Variants in NIN observed in about 807,000 individuals in gnomAD.
NIN encodes the protein glycogen synthase kinase 3 beta-interacting protein.
In NIN, 137 loss-of-function variants were observed where a neutral mutation model predicts 257.6. The observed-to-expected ratio is 0.53, with a 90% CI of 0.46 to 0.61. The LOEUF (loss-of-function observed/expected upper bound fraction) is 0.61. Among genes scored for constraint, NIN ranks in the 20% least tolerant of loss-of-function variants. The pLI, the probability that NIN is intolerant of heterozygous loss-of-function variation, is 0.00. For synonymous variants in NIN, 918 were observed against 919.8 expected (o/e 1.00, Z 0.04); for missense variants, 2,439 against 2,501.2 (o/e 0.98, Z 0.53).
chr14:50,785,723 A>C (rs1165557746), intron 5 of NIN, among the ~76,000 whole-genome samples: 1 of 152,228 alleles, frequency 6.6e-6, no homozygotes, highest in African/African-American at 2.4e-5. Context: ...TTTCACTAAC[A>C]GTCCTAAGTA....
At chr14:50,810,649 C>T (rs1404461074) in intron 3 of NIN, among the ~76,000 whole-genome samples, 1 of 152,086 alleles carries the variant, frequency 6.6e-6, no homozygotes, top group Non-Finnish European at 1.5e-5. Flanking sequence ...GTTTTTAAAA[C>T]TCTATTTTTT....
chr14:50,829,699 T>C (rs956998626), intron 2 of NIN, among the ~76,000 whole-genome samples: 1 of 152,200 alleles, frequency 6.6e-6, no homozygotes, highest in South Asian at 2.1e-4. Flanking sequence ...GGAAACATGA[T>C]ATATGGTAGG....
chr14:50,765,076 A>T (rs1275854706), intron 14 of NIN, among the ~76,000 whole-genome samples: 1 of 147,718 alleles, frequency 6.8e-6, no homozygotes, highest in African/African-American at 2.5e-5. Context: ...AAAAAAAAAA[A>T]AAAAAAAAAA....
At chr14:50,729,455 CT>C (rs2140346627) in intron 29 of NIN, 67 bp downstream of exon 29, 1 of 1,437,196 alleles carries the variant, frequency 7.0e-7, no homozygotes, top group East Asian at 2.3e-5. Context: ...CACCTTTGAA[CT>C]GGTATAACTT....
Position 50,731,823 on chromosome 14 carries a change from T to G in NIN, c.5878-2100A>C, listed in dbSNP as rs147638318. ...CTTGGTGACAGAGCGAGACTCCGTT[T>G]AAAAATAAATAAATAAAAAAGATTA... On this transcript the variant is annotated intron_variant, in intron 28 of 30. Coordinates refer to ENST00000530997, the MANE Select transcript of NIN (RefSeq NM_020921.4). Among the ~76,000 whole-genome samples, 197 of 152,236 alleles carry G rather than the reference T, an allele frequency of 1.3e-3. 3 individuals are homozygous for G. The East Asian group carries it at 0.03, about 23-fold the overall frequency.
intron 7 of NIN, among the ~76,000 whole-genome samples, chr14:50,775,788 C>T (rs1160393443): frequency 1.3e-5 from 2 of 151,948 alleles, no homozygotes; most frequent in African/African-American, 4.8e-5. Context: ...AAAAACAACC[C>T]AAGGTTCTAC....
chr14:50,795,954 G>A (rs892802232), intron 4 of NIN, among the ~76,000 whole-genome samples: 1 of 152,138 alleles, frequency 6.6e-6, no homozygotes, highest in African/African-American at 2.4e-5. Context: ...ACTCCAGCCT[G>A]GGCAACAGGG....
rs1395716596 is a variant in NIN, at chr14:50,806,783, G to A, written c.219C>T (p.Leu73=). The change falls in exon 4 of 31, where the codon CTC becomes CTT. Residue 73 remains leucine, a synonymous_variant. Coordinates refer to ENST00000530997, the MANE Select transcript of NIN (RefSeq NM_020921.4). ...HFDQFKEALI[L]ILSRTLSNEE... ...CATTTGACAGAGTTCTGGACAAGAT[G>A]AGTATTAATGCTTCTTTAAATTGGT... 10 of 1,580,926 alleles carry A rather than the reference G, an allele frequency of 6.3e-6. No individual in the cohort carries two copies. Among genetic ancestry groups the A allele is most frequent in the East Asian group, 2.2e-5 (1 of 44,534 alleles).
chr14:50,819,509 G>A (rs897263562), intron 3 of NIN, among the ~76,000 whole-genome samples: 2 of 152,198 alleles, frequency 1.3e-5, no homozygotes, highest in South Asian at 4.1e-4. Context: ...CGTAAGGTGT[G>A]TCTCTCATCT....
chr14:50,760,333 G>T lies in NIN; in HGVS notation c.1923C>A (p.Asp641Glu). Residue 641 changes from aspartate (D) to glutamate (E), a missense_variant, in exon 17 of 31, where the codon GAC (aspartate) becomes GAA (glutamate). Physicochemically the swap from Asp to Glu is conservative, Grantham distance 45. Coordinates refer to ENST00000530997, the MANE Select transcript of NIN (RefSeq NM_020921.4). The part of the protein sequence containing the change: ...DKVRHYEKQL[D>E]ETVVSCKKAQ... ...CCTTCTTGCAGCTGACCACGGTTTC[G>T]TCCAGCTGCTTTTCATAATGGCGCA... is the stretch of plus-strand genomic sequence containing the variant. 1 of 1,605,432 alleles carries T rather than the reference G, an allele frequency of 6.2e-7. No homozygotes were observed.
At chr14:50,792,578 G>T in intron 5 of NIN, 134 bp downstream of exon 5, 2 of 863,066 alleles carry the variant, frequency 2.3e-6, no homozygotes, top group African/African-American at 1.7e-5. Flanking sequence ...CAAGTAATAA[G>T]ATTAGCAAGG....
Position 50,735,507 on chromosome 14 carries a change from G to T in NIN, c.5877+9C>A, listed in dbSNP as rs1423824837. On this transcript the variant is annotated intron_variant, in intron 28 of 30. Coordinates refer to ENST00000530997, the MANE Select transcript of NIN (RefSeq NM_020921.4). The stretch of plus-strand genomic sequence containing the variant: ...CTTCATAGCTAAGGCCATCTGCTGA[G>T]AAACTTACCTCCATGAGCTGCTCAT... The T allele has an allele frequency of 1.2e-6, 2 of 1,612,416 alleles. No homozygotes were observed. The highest frequency in any genetic ancestry group is 1.1e-5 in the South Asian group (1 of 90,848).
chr14:50,796,913 C>T (rs1013720384), intron 4 of NIN, among the ~76,000 whole-genome samples: 1 of 152,178 alleles, frequency 6.6e-6, no homozygotes, highest in African/African-American at 2.4e-5. Flanking sequence ...GCTTAAAATG[C>T]TCAGCTCTCC....
intron 2 of NIN, among the ~76,000 whole-genome samples, chr14:50,822,681 C>T (rs1016144536): frequency 2.6e-5 from 4 of 152,186 alleles, no homozygotes; most frequent in Non-Finnish European, 5.9e-5. Flanking sequence ...TAAATGAACA[C>T]GACGTCTGCT....
At chr14:50,805,572 T>C (rs1191262974) in intron 4 of NIN, among the ~76,000 whole-genome samples, 1 of 152,162 alleles carries the variant, frequency 6.6e-6, no homozygotes, top group East Asian at 1.9e-4. Context: ...GAGGGCAGGA[T>C]GAAGAACTAG....
At chr14:50,744,660 T>C (rs2041454692) in intron 22 of NIN, among the ~76,000 whole-genome samples, 2 of 152,128 alleles carry the variant, frequency 1.3e-5, no homozygotes, top group African/African-American at 2.4e-5. Context: ...AGAATTGGGC[T>C]GTGGGGGTGG....
At chr14:50,822,831 C>A (rs1389277091) in intron 2 of NIN, among the ~76,000 whole-genome samples, 3 of 152,166 alleles carry the variant, frequency 2.0e-5, no homozygotes, top group Admixed American at 1.3e-4. Flanking sequence ...TTAGTCCCAG[C>A]GAGTTTTAGG....
rs557412511 is a variant in NIN at position 50,786,306 on chromosome 14, G to A, written c.435+6406C>T. Among the ~76,000 whole-genome samples, 4 of 148,136 alleles carry A rather than the reference G, an allele frequency of 2.7e-5. No homozygotes were observed. The East Asian group carries it at 8.1e-4, about 30-fold the overall frequency. On this transcript the variant is annotated intron_variant, in intron 5 of 30. Transcript: ENST00000530997. The stretch of plus-strand genomic sequence containing the variant: ...GATATGTAGGACAGAAAATGTTACT[G>A]TCATCATGAACATTAATTCTTGACT...
At chr14:50,765,857 AT>A (rs1298177483) in intron 14 of NIN, among the ~76,000 whole-genome samples, 2 of 105,428 alleles carry the variant, frequency 1.9e-5, no homozygotes, top group East Asian at 8.1e-4. Context: ...TTTTTTTTTA[AT>A]TTTATTATAC....
Sources: allele counts gnomAD v4.1 joint callset (sites outside exome capture counted in the v4.1 genomes callset), GRCh38; gene constraint gnomAD v4.1.1; transcripts MANE v1.5; gene names NCBI Gene and HGNC (gene_info 2026-07-23, HGNC 2026-07-21).